RAD18: variants seen among roughly 807,000 people sequenced by gnomAD.
RAD18 encodes E3 ubiquitin-protein ligase RAD18.
RAD18 carries 47 observed loss-of-function variants against 60.4 expected under a neutral mutation model. The ratio of observed to expected loss-of-function variants is 0.78; its 90% confidence interval spans 0.62 to 0.99. The LOEUF is 0.99. Ranked by LOEUF, RAD18 falls within the 50% of genes least tolerant of loss-of-function variation. RAD18 has a pLI of 0.00. For synonymous variants in RAD18, 225 were observed against 195.5 expected (o/e 1.15, Z -1.26); for missense variants, 640 against 593.3 (o/e 1.08, Z -0.82).
At chr3:8,882,717 T>C (rs1427958964) in intron 12 of RAD18, among the ~76,000 whole-genome samples, 1 of 152,064 alleles carries the variant, frequency 6.6e-6, no homozygotes, top group South Asian at 2.1e-4. Context: ...CCTCTGGCAA[T>C]CCAGCCCCAA....
chr3:8,905,658 T>G (rs997369136), intron 9 of RAD18, among the ~76,000 whole-genome samples: 1 of 152,238 alleles, frequency 6.6e-6, no homozygotes, highest in Non-Finnish European at 1.5e-5. Flanking sequence ...TACAGGCTTA[T>G]TCATCTAGCC....
chr3:8,888,767 A>G (rs1939627990), intron 12 of RAD18, among the ~76,000 whole-genome samples: 1 of 152,208 alleles, frequency 6.6e-6, no homozygotes, highest in African/African-American at 2.4e-5. Context: ...TCTCTATAAA[A>G]CAAATGGGTT....
chr3:8,920,879 C>T (rs558487962), intron 7 of RAD18, among the ~76,000 whole-genome samples: 22 of 152,218 alleles, frequency 1.4e-4, no homozygotes, highest in African/African-American at 5.1e-4. Flanking sequence ...GGATCATGTA[C>T]TGCAGGAAAA....
chr3:8,941,828 G>T, intron 4 of RAD18, 24 bp from the exon 5 acceptor site: 1 of 1,545,756 alleles, frequency 6.5e-7, no homozygotes, highest in South Asian at 1.2e-5. Context: ...GAACACAACA[G>T]ACAATTAAGA....
At chr3:8,926,967 C>A (rs1002098318) in intron 7 of RAD18, among the ~76,000 whole-genome samples, 17 of 151,952 alleles carry the variant, frequency 1.1e-4, no homozygotes, top group African/African-American at 4.1e-4. Context: ...TAGAAGAAAA[C>A]CTAGGCAATA....
intron 7 of RAD18, among the ~76,000 whole-genome samples, chr3:8,923,776 A>T (rs529283672): frequency 2.0e-5 from 3 of 152,348 alleles, no homozygotes; most frequent in African/African-American, 7.2e-5. Context: ...TCTTAAAGAA[A>T]AGAATTTTCA....
chr3:8,896,157 T>C (rs1452865418), intron 11 of RAD18, among the ~76,000 whole-genome samples: 2 of 152,216 alleles, frequency 1.3e-5, no homozygotes, highest in Non-Finnish European at 2.9e-5. Flanking sequence ...CCAGGAGACA[T>C]TCAGGACTCT....
chr3:8,934,723 T>C (rs1389071291), intron 7 of RAD18, among the ~76,000 whole-genome samples: 2 of 152,190 alleles, frequency 1.3e-5, no homozygotes, highest in Non-Finnish European at 1.5e-5. Context: ...TGTATATATA[T>C]ATCCAACAGC....
intron 2 of RAD18, among the ~76,000 whole-genome samples, chr3:8,956,956 G>A (rs1428072532): frequency 1.3e-5 from 2 of 152,154 alleles, no homozygotes; most frequent in African/African-American, 4.8e-5. Flanking sequence ...GTACCAGCCT[G>A]TGTAACAAAA....
rs552346850 is a variant in RAD18 at position 8,952,117 on chromosome 3, C to T, written c.134-3547G>A. On this transcript the variant is annotated intron_variant, in intron 2 of 12. Coordinates refer to ENST00000264926, the MANE Select transcript of RAD18 (RefSeq NM_020165.4). ...GACTTTAGGGGGGATAAAATTCACT[C>T]CAGGCATTCCACCTTTAACCTCCCA... Among the ~76,000 whole-genome samples, 8 of 152,284 alleles carry T rather than the reference C, an allele frequency of 5.3e-5. 1 individual carries two copies. In the South Asian group the frequency reaches 1.7e-3, roughly 32 times the overall value.
intron 2 of RAD18, among the ~76,000 whole-genome samples, chr3:8,955,290 A>G (rs559482433): frequency 6.6e-6 from 1 of 152,286 alleles, no homozygotes; most frequent in South Asian, 2.1e-4. Context: ...GGGGAGAGAA[A>G]GAAGGGAAAC....
chr3:8,938,886 T>G (rs1322714642), intron 6 of RAD18, among the ~76,000 whole-genome samples: 1 of 152,166 alleles, frequency 6.6e-6, no homozygotes, highest in Non-Finnish European at 1.5e-5. Flanking sequence ...GACTAGTATT[T>G]CATTCCTGAA....
chr3:8,923,890 G>T (rs1940376678), intron 7 of RAD18, among the ~76,000 whole-genome samples: 1 of 152,172 alleles, frequency 6.6e-6, no homozygotes, highest in Non-Finnish European at 1.5e-5. Context: ...CACCAGGCCT[G>T]CCCTAAAAGA....
Position 8,890,401 on chromosome 3 carries a change from T to TC in RAD18, c.1372dup (p.Glu458GlyfsTer5). The stretch of plus-strand genomic sequence containing the variant: ...TATGAGAACTCACTTATGTGATGCT[T>TC]CCCAGGCTTCCTCTTCTTCTAAAAG... On this transcript the variant is annotated frameshift_variant, in exon 12 of 13. Transcript: ENST00000264926. LOFTEE classifies it high-confidence loss of function. 1 of 1,590,748 alleles carries TC rather than the reference T, an allele frequency of 6.3e-7. No homozygotes were observed. The highest frequency in any genetic ancestry group is 8.6e-7 in the Non-Finnish European group (1 of 1,158,918).
rs1204198210 is a variant in RAD18, at chr3:8,877,987, G to A, written c.*3370C>T. 6.6e-6 allele frequency: 1 copy of A among 152,316 alleles called. No individual in the cohort carries two copies. The highest frequency in any genetic ancestry group is 1.9e-4 in the East Asian group (1 of 5,190). The allele number at this position is 152,316 out of a possible 1,614,324, so 9.4% of individuals were successfully genotyped here. On this transcript the variant is annotated 3_prime_UTR_variant, in exon 13 of 13. Transcript: ENST00000264926. ...CACAGCAAGGCCAAGAGACTGAAATGGACAGGAAGGCAGGGCTGCCCTAGC... is the reference window on the plus strand; with the variant it reads ...CACAGCAAGGCCAAGAGACTGAAATAGACAGGAAGGCAGGGCTGCCCTAGC...
intron 3 of RAD18, among the ~76,000 whole-genome samples, chr3:8,947,667 C>A (rs902474707): frequency 6.6e-6 from 1 of 152,130 alleles, no homozygotes; most frequent in African/African-American, 2.4e-5. Flanking sequence ...GGGAGAGGCA[C>A]TAAGTGTTCA....
intron 1 of RAD18, among the ~76,000 whole-genome samples, chr3:8,961,138 C>G (rs1290582364): frequency 6.6e-6 from 1 of 152,210 alleles, no homozygotes; most frequent in Non-Finnish European, 1.5e-5. Flanking sequence ...TCTGAAAGAT[C>G]TGCAGAGCAC....
intron 7 of RAD18, among the ~76,000 whole-genome samples, chr3:8,919,983 T>C (rs1188035734): frequency 6.6e-6 from 1 of 151,716 alleles, no homozygotes; most frequent in Non-Finnish European, 1.5e-5. Flanking sequence ...AAGAGACAAA[T>C]AAGAAAATAA....
At position 8,958,903 on chromosome 3, in the gene RAD18, G is replaced by C. The variant is rs1209912650; in HGVS notation, c.133+17C>G. 6.2e-7 allele frequency: 1 copy of C among 1,600,008 alleles called. No homozygotes were observed. Among genetic ancestry groups the C allele is most frequent in the Admixed American group, 1.7e-5 (1 of 59,890 alleles). On this transcript the variant is annotated intron_variant, in intron 2 of 12. Coordinates refer to ENST00000264926, the MANE Select transcript of RAD18 (RefSeq NM_020165.4). ...AAAATCGCAATTTACTAACTCACAG[G>C]AACAAAACATACTTACAGTTATGTG...
Sources: allele counts gnomAD v4.1 joint callset (sites outside exome capture counted in the v4.1 genomes callset), GRCh38; gene constraint gnomAD v4.1.1; transcripts MANE v1.5; gene names NCBI Gene and HGNC (gene_info 2026-07-23, HGNC 2026-07-21).